CNOT6L: variants seen among roughly 807,000 people sequenced by gnomAD.
The protein encoded by CNOT6L is CCR4-NOT transcription complex subunit 6 like.
CNOT6L carries 7 observed loss-of-function variants against 64.0 expected under a neutral mutation model. That is an observed-to-expected ratio of 0.11 (90% CI 0.06 to 0.21). The LOEUF (loss-of-function observed/expected upper bound fraction) is 0.21, where lower values mean the gene tolerates loss of function less well. Among genes scored for constraint, CNOT6L ranks in the 10% least tolerant of loss-of-function variants. CNOT6L has a pLI of 1.00. For synonymous variants in CNOT6L, 193 were observed against 243.4 expected (o/e 0.79, Z 1.93); for missense variants, 245 against 669.0 (o/e 0.37, Z 6.99).
intron 4 of CNOT6L, among the ~76,000 whole-genome samples, chr4:77,763,752 T>C (rs1024631152): frequency 3.3e-5 from 5 of 152,198 alleles, no homozygotes; most frequent in Non-Finnish European, 5.9e-5. Flanking sequence ...TACTATGCCA[T>C]AGGGCAAGAA....
intron 4 of CNOT6L, among the ~76,000 whole-genome samples, chr4:77,771,178 G>A (rs1373242993): frequency 6.6e-6 from 1 of 152,008 alleles, no homozygotes. Flanking sequence ...AAAATTAGCC[G>A]GACGTGGTGG....
At position 77,715,662 on chromosome 4, in the gene CNOT6L, C is replaced by T. The variant is rs1210880058; in HGVS notation, c.*4769G>A. 2.0e-5 allele frequency: 3 copies of T among 152,498 alleles called. No homozygotes were observed. In the East Asian group the frequency reaches 5.8e-4, roughly 29 times the overall value. 9.4% of individuals were successfully genotyped at this position (152,498 alleles called of 1,614,324 possible). A position where few individuals can be genotyped will look rare whatever the true frequency, so the allele number is the denominator to read the frequency against. On this transcript the variant is annotated 3_prime_UTR_variant, in exon 12 of 12. Transcript: ENST00000504123. Reference sequence around the variant, plus strand: ...TTGGTTAAAACAAGAAATATGCATGCTCTTCCTTACCACCTTCCTGGAAAG... The same window carrying T: ...TTGGTTAAAACAAGAAATATGCATGTTCTTCCTTACCACCTTCCTGGAAAG...
chr4:77,745,816 G>A (rs976062051), intron 6 of CNOT6L, among the ~76,000 whole-genome samples: 3 of 152,192 alleles, frequency 2.0e-5, no homozygotes, highest in Non-Finnish European at 4.4e-5. Context: ...AGACATGGTT[G>A]AGAATCACTT....
In CNOT6L at chr4:77,781,314, T is replaced by C. The variant is rs144850274; in HGVS notation, c.6-4922A>G. On this transcript the variant is annotated intron_variant, in intron 1 of 11. Transcript: ENST00000504123. ...CATACCTATGTAACAAACCTGCATG[T>C]TCTGTACATGTATCCCAGAACTTAA... is the stretch of plus-strand genomic sequence containing the variant. Among the ~76,000 whole-genome samples, 25 of 152,304 alleles carry C rather than the reference T, an allele frequency of 1.6e-4. No individual in the cohort carries two copies. The East Asian group carries it at 4.8e-3, about 29-fold the overall frequency.
At chr4:77,814,971 T>C (rs752157628) in intron 1 of CNOT6L, among the ~76,000 whole-genome samples, 2 of 152,178 alleles carry the variant, frequency 1.3e-5, no homozygotes, top group African/African-American at 2.4e-5. Flanking sequence ...TAAGCCTCTG[T>C]TGTTTACTTG....
At chr4:77,772,930 C>T (rs1315148975) in intron 4 of CNOT6L, 151 bp downstream of exon 4, 1 of 590,030 alleles carries the variant, frequency 1.7e-6, no homozygotes, top group Non-Finnish European at 3.0e-6. Context: ...CTCAAACAAA[C>T]AAACAAACAA....
chr4:77,766,843 C>A (rs1403241067), intron 4 of CNOT6L, among the ~76,000 whole-genome samples: 1 of 151,422 alleles, frequency 6.6e-6, no homozygotes, highest in Non-Finnish European at 1.5e-5. Flanking sequence ...GAGGGTGGAT[C>A]ACCAGACGTC....
intron 10 of CNOT6L, 93 bp downstream of exon 10, chr4:77,728,761 T>C: frequency 2.2e-6 from 2 of 915,978 alleles, no homozygotes; most frequent in Non-Finnish European, 1.8e-6. Context: ...ATACATTCCT[T>C]AATTTATCTA....
chr4:77,725,971 GC>G (rs3215111), intron 11 of CNOT6L, 195 bp downstream of exon 11: 163,656 of 579,566 alleles, frequency 0.28, 24,915 homozygotes, highest in East Asian at 0.43. Context: ...AAGCAAGAGA[GC>G]AAGAAGAATT....
intron 1 of CNOT6L, among the ~76,000 whole-genome samples, chr4:77,816,141 A>G (rs561864096): frequency 7.9e-5 from 12 of 152,334 alleles, no homozygotes; most frequent in African/African-American, 2.4e-4. Flanking sequence ...TTGTTGTAAC[A>G]TAATTCCTTT....
intron 2 of CNOT6L, among the ~76,000 whole-genome samples, chr4:77,775,623 C>T (rs944409454): frequency 6.6e-6 from 1 of 152,120 alleles, no homozygotes; most frequent in Non-Finnish European, 1.5e-5. Context: ...AGTTTTTATA[C>T]CTTTTTGTTC....
intron 5 of CNOT6L, among the ~76,000 whole-genome samples, chr4:77,754,430 G>A (rs1053713165): frequency 3.3e-5 from 5 of 152,012 alleles, no homozygotes; most frequent in East Asian, 1.9e-4. Context: ...TATAAAAAGC[G>A]TAACAAATAG....
At chr4:77,761,719 G>C (rs900356119) in intron 4 of CNOT6L, among the ~76,000 whole-genome samples, 19 of 152,148 alleles carry the variant, frequency 1.2e-4, no homozygotes, top group Middle Eastern at 3.2e-3. Context: ...AACAAGGTAA[G>C]GATGTGCACC....
Position 77,723,875 on chromosome 4 carries a change from T to G in CNOT6L, c.1455+2292A>C, listed in dbSNP as rs571781746. ...TTTGAAGGACTGTCAGTAAATAATT[T>G]TAAACCAATTCAGATGACTGAGGAA... On this transcript the variant is annotated intron_variant, in intron 11 of 11. Transcript: ENST00000504123. 6.6e-5 allele frequency among the ~76,000 whole-genome samples: 10 copies of G among 152,312 alleles called. No individual in the cohort carries two copies. The South Asian group carries it at 2.1e-3, about 32-fold the overall frequency.
At chr4:77,801,824 G>T (rs982968596) in intron 1 of CNOT6L, among the ~76,000 whole-genome samples, 14 of 152,086 alleles carry the variant, frequency 9.2e-5, no homozygotes, top group African/African-American at 2.9e-4. Flanking sequence ...AGGAGCCCGA[G>T]GCTATAGCAA....
intron 2 of CNOT6L, 88 bp from the exon 3 acceptor site, chr4:77,774,804 C>T (rs1430307878): frequency 1.3e-6 from 1 of 756,194 alleles, no homozygotes; most frequent in African/African-American, 1.8e-5. Context: ...GTAAGAGAGG[C>T]TGCAAATACA....
At chr4:77,749,205 A>G (rs554986495) in intron 5 of CNOT6L, among the ~76,000 whole-genome samples, 14 of 152,340 alleles carry the variant, frequency 9.2e-5, no homozygotes, top group Admixed American at 8.5e-4. Context: ...GTGTTCTGAA[A>G]GTCTACCTAT....
intron 1 of CNOT6L, among the ~76,000 whole-genome samples, chr4:77,786,299 G>C (rs1246113289): frequency 2.7e-5 from 4 of 150,626 alleles, no homozygotes; most frequent in Admixed American, 1.3e-4. Context: ...GAAAGAAAGA[G>C]AGACAGAGAG....
At chr4:77,736,230 G>A (rs1041540460) in intron 8 of CNOT6L, among the ~76,000 whole-genome samples, 2 of 152,114 alleles carry the variant, frequency 1.3e-5, no homozygotes, top group Non-Finnish European at 2.9e-5. Flanking sequence ...ACCAAGGGTT[G>A]AAAAACCAAA....
Sources: gnomAD v4.1 joint callset for allele counts (sites outside exome capture counted in the v4.1 genomes callset) on GRCh38, gnomAD v4.1.1 for gene constraint, MANE v1.5 for transcripts, NCBI Gene and HGNC (gene_info 2026-07-23, HGNC 2026-07-21) for gene names.